GSG1L: variants seen among roughly 807,000 people sequenced by gnomAD.
GSG1L encodes GSG1 like.
GSG1L carries 24 observed loss-of-function variants against 42.1 expected under a neutral mutation model. The ratio of observed to expected loss-of-function variants is 0.57; its 90% CI spans 0.41 to 0.80. GSG1L has a LOEUF of 0.80. GSG1L is among the 30% of genes least tolerant of loss of function. GSG1L has a pLI of 0.00. For synonymous variants in GSG1L, 215 were observed against 203.5 expected (o/e 1.06, Z -0.48); for missense variants, 445 against 472.2 (o/e 0.94, Z 0.53).
intron 1 of GSG1L, among the ~76,000 whole-genome samples, chr16:28,017,334 G>A (rs540969624): frequency 7.2e-5 from 11 of 152,366 alleles, no homozygotes; most frequent in Non-Finnish European, 1.2e-4. Flanking sequence ...AAATGTCAGC[G>A]AGGACGTGGG....
chr16:27,813,948 CG>C (rs2140950466), intron 5 of GSG1L, among the ~76,000 whole-genome samples: 1 of 152,260 alleles, frequency 6.6e-6, no homozygotes, highest in African/African-American at 2.4e-5. Context: ...GGCATAATAC[CG>C]GTGGTCATTT....
In GSG1L at chr16:28,003,490, T is replaced by G. The variant is rs372139282; in HGVS notation, c.350-40287A>C. On this transcript the variant is annotated intron_variant, in intron 1 of 6. Transcript: ENST00000447459. ...GAAGCCAACCCACCTCCCAGAGTCC[T>G]CCAAACTCCCAGGACAGAGGAGCCA... Among the ~76,000 whole-genome samples the G allele has an allele frequency of 1.4e-3, 214 of 152,248 alleles. 3 individuals carry two copies. The South Asian group carries it at 0.032, about 23-fold the overall frequency.
intron 3 of GSG1L, among the ~76,000 whole-genome samples, chr16:27,854,724 C>T (rs2083555047): frequency 6.6e-6 from 1 of 152,236 alleles, no homozygotes; most frequent in African/African-American, 2.4e-5. Flanking sequence ...TCCTGGACAC[C>T]CCACATGCCT....
chr16:27,849,288 A>C (rs1054333862), intron 3 of GSG1L, among the ~76,000 whole-genome samples: 3 of 151,620 alleles, frequency 2.0e-5, no homozygotes, highest in African/African-American at 7.3e-5. Flanking sequence ...AGGGCCATGC[A>C]GGGCCCTGGA....
At chr16:27,803,715 T>A (rs974642363) in intron 6 of GSG1L, among the ~76,000 whole-genome samples, 1 of 150,492 alleles carries the variant, frequency 6.6e-6, no homozygotes, top group Non-Finnish European at 1.5e-5. Flanking sequence ...TACAAGATGG[T>A]CTCCTGGTCT....
chr16:27,918,176 T>C (rs374249189), intron 2 of GSG1L, among the ~76,000 whole-genome samples: 1 of 152,094 alleles, frequency 6.6e-6, no homozygotes, highest in Admixed American at 6.6e-5. Context: ...CATCAACCCA[T>C]CCACAGGGGA....
intron 1 of GSG1L, among the ~76,000 whole-genome samples, chr16:28,047,109 T>G (rs1009849687): frequency 1.3e-5 from 2 of 152,108 alleles, no homozygotes; most frequent in Non-Finnish European, 2.9e-5. Flanking sequence ...AGCACCCATA[T>G]GAATAAAAAC....
Position 27,987,212 on chromosome 16 carries a change from G to A in GSG1L, c.350-24009C>T, listed in dbSNP as rs376757237. ...AGCCTGGGCGACAAGAGTGAACTCC[G>A]TCTCAAAAAAAAAAAAAAAAAGTTT... On this transcript the variant is annotated intron_variant, in intron 1 of 6. Transcript: ENST00000447459. Among the ~76,000 whole-genome samples the A allele has an allele frequency of 6.8e-3, 472 of 69,324 alleles. 4 individuals are homozygous for A. Among genetic ancestry groups the A allele is most frequent in the African/African-American group, 0.023 (447 of 19,836 alleles). 45.5% of individuals were successfully genotyped at this position (69,324 alleles called of 152,430 possible). A position where few individuals can be genotyped will look rare whatever the true frequency, so the allele number is the denominator to read the frequency against.
In GSG1L at chr16:27,884,038, G is replaced by A. The variant is rs2083996179; in HGVS notation, c.550+448C>T. On this transcript the variant is annotated intron_variant, in intron 3 of 6. Transcript: ENST00000447459. The surrounding 1 kb of genome is among the most constrained non-coding windows in gnomAD (Gnocchi z 4.4). ...CCACGTGGAGTTCTCAAAGCCAGAT[G>A]AGCTCAGGAAGAGGAGCGACGTGCC... Among the ~76,000 whole-genome samples, 1 of 152,162 alleles carries A rather than the reference G, an allele frequency of 6.6e-6. No homozygotes were observed. Among genetic ancestry groups the A allele is most frequent in the Non-Finnish European group, 1.5e-5 (1 of 68,034 alleles).
At chr16:27,891,883 T>C (rs2084130823) in intron 2 of GSG1L, among the ~76,000 whole-genome samples, 1 of 122,766 alleles carries the variant, frequency 8.1e-6, no homozygotes, top group Admixed American at 1.0e-4. Context: ...CAGTGACAGA[T>C]CTTTTTTTTT....
intron 6 of GSG1L, among the ~76,000 whole-genome samples, chr16:27,796,818 T>C (rs921405336): frequency 5.9e-5 from 9 of 152,254 alleles, no homozygotes; most frequent in Admixed American, 5.2e-4. Flanking sequence ...CTGCCACCTC[T>C]CCCCAGGGCC....
intron 2 of GSG1L, among the ~76,000 whole-genome samples, chr16:27,915,598 G>A (rs965761017): frequency 8.5e-5 from 13 of 152,148 alleles, no homozygotes; most frequent in South Asian, 2.1e-4. Flanking sequence ...ACATAGCTAC[G>A]AATGAAACCA....
intron 3 of GSG1L, among the ~76,000 whole-genome samples, chr16:27,866,053 C>A (rs2083719855): frequency 2.0e-5 from 3 of 151,932 alleles, no homozygotes; most frequent in African/African-American, 4.8e-5. Context: ...TCTAGTTCTG[C>A]CTTCCTGTGT....
intron 6 of GSG1L, among the ~76,000 whole-genome samples, 190 bp from the exon 7 acceptor site, chr16:27,791,657 C>T (rs2082755052): frequency 6.6e-6 from 1 of 152,012 alleles, no homozygotes; most frequent in African/African-American, 2.4e-5. Flanking sequence ...TGTCAGCCAC[C>T]CAGTCACCCA....
chr16:27,900,647 T>C (rs558529411), intron 2 of GSG1L, among the ~76,000 whole-genome samples: 3 of 152,308 alleles, frequency 2.0e-5, no homozygotes, highest in African/African-American at 7.2e-5. Context: ...GAATGGTGCC[T>C]ACGTCTATCT....
chr16:27,830,285 C>T (rs2083261172), intron 4 of GSG1L, among the ~76,000 whole-genome samples: 1 of 152,114 alleles, frequency 6.6e-6, no homozygotes, highest in Non-Finnish European at 1.5e-5. Context: ...GCTGTTCCAA[C>T]CCTGCATTTC....
chr16:27,929,018 C>G (rs1425763030), intron 2 of GSG1L, among the ~76,000 whole-genome samples: 2 of 152,214 alleles, frequency 1.3e-5, no homozygotes, highest in Admixed American at 6.5e-5. Context: ...TCCAGAGGAG[C>G]TTTTAAAAAC....
At chr16:27,975,192 A>G (rs1189658623) in intron 1 of GSG1L, among the ~76,000 whole-genome samples, 7 of 152,134 alleles carry the variant, frequency 4.6e-5, no homozygotes, top group Admixed American at 3.3e-4. Flanking sequence ...CAAAACCGCA[A>G]CAGGGAGAGA....
intron 1 of GSG1L, among the ~76,000 whole-genome samples, chr16:28,030,664 A>T: frequency 6.6e-6 from 1 of 152,094 alleles, no homozygotes; most frequent in Non-Finnish European, 1.5e-5. Context: ...CAGCCAAATA[A>T]ATTTCCCAAT....
Sources: gnomAD v4.1 joint callset for allele counts (sites outside exome capture counted in the v4.1 genomes callset) on GRCh38, gnomAD v4.1.1 for gene constraint, Gnocchi (gnomAD v3.1) non-coding constraint, MANE v1.5 for transcripts, NCBI Gene and HGNC (gene_info 2026-07-23, HGNC 2026-07-21) for gene names.